Variants in COX10 observed in about 807,000 individuals in gnomAD.
COX10 encodes the protein cytochrome c oxidase assembly factor heme A:farnesyltransferase COX10.
In COX10, 27 loss-of-function variants were observed where a neutral mutation model predicts 37.3. That is an observed-to-expected ratio of 0.72 (90% confidence interval 0.53 to 1.00). COX10 has a LOEUF of 1.00. Ranked by LOEUF, COX10 falls within the 50% of genes least tolerant of loss-of-function variation. The pLI, the probability that COX10 is intolerant of heterozygous loss-of-function variation, is 0.00. For missense variants in COX10, 475 were observed against 563.2 expected, an observed-to-expected ratio of 0.84 and a Z score of 1.59; for synonymous variants, 222 against 229.1, an observed-to-expected ratio of 0.97 and a Z score of 0.28.
intron 4 of COX10, among the ~76,000 whole-genome samples, chr17:14,129,304 A>G (rs1259495053): frequency 6.6e-6 from 1 of 151,908 alleles, no homozygotes; most frequent in Non-Finnish European, 1.5e-5. Flanking sequence ...TTCAAAATAT[A>G]TAAATATGTA....
At chr17:14,127,518 C>A (rs1446494526) in intron 4 of COX10, among the ~76,000 whole-genome samples, 1 of 151,930 alleles carries the variant, frequency 6.6e-6, no homozygotes, top group Non-Finnish European at 1.5e-5. Flanking sequence ...TATTTTGTAC[C>A]TATAGGAATT....
intron 6 of COX10, among the ~76,000 whole-genome samples, chr17:14,200,261 G>T (rs1291051518): frequency 1.3e-5 from 2 of 152,288 alleles, no homozygotes; most frequent in East Asian, 3.9e-4. Context: ...AGTTTTGTCA[G>T]CAAAGTGATG....
intron 4 of COX10, among the ~76,000 whole-genome samples, chr17:14,103,354 G>T (rs1043015008): frequency 2.6e-5 from 4 of 152,018 alleles, no homozygotes; most frequent in African/African-American, 9.7e-5. Context: ...GTCCATTTGG[G>T]TCTATTTTTT....
chr17:14,081,684 A>C (rs759076788), intron 3 of COX10, among the ~76,000 whole-genome samples: 3 of 152,148 alleles, frequency 2.0e-5, no homozygotes, highest in Admixed American at 6.6e-5. Flanking sequence ...TACTTCCTTC[A>C]TAGGGTTGTT....
chr17:14,084,390 A>G (rs878914218), intron 3 of COX10, among the ~76,000 whole-genome samples: 3 of 152,178 alleles, frequency 2.0e-5, no homozygotes, highest in Non-Finnish European at 2.9e-5. Flanking sequence ...CTGTAATTTC[A>G]CCATCTTAAA....
At chr17:14,187,509 AT>A (rs898583663) in intron 5 of COX10, among the ~76,000 whole-genome samples, 43 of 152,174 alleles carry the variant, frequency 2.8e-4, no homozygotes, top group African/African-American at 5.8e-4. Flanking sequence ...CATATTCTCA[AT>A]TTTTTTTAAG....
chr17:14,164,913 C>G (rs1283692384), intron 5 of COX10, among the ~76,000 whole-genome samples: 1 of 151,946 alleles, frequency 6.6e-6, no homozygotes, highest in African/African-American at 2.4e-5. Context: ...TCCCACGTAG[C>G]ATGATTGTAA....
At chr17:14,095,768 G>A (rs898211022) in intron 3 of COX10, among the ~76,000 whole-genome samples, 2 of 152,108 alleles carry the variant, frequency 1.3e-5, no homozygotes, top group Admixed American at 1.3e-4. Flanking sequence ...GCAACTCTAG[G>A]ACTGAAGTCC....
intron 4 of COX10, among the ~76,000 whole-genome samples, chr17:14,106,338 T>C (rs922949595): frequency 6.6e-6 from 1 of 151,996 alleles, no homozygotes; most frequent in Non-Finnish European, 1.5e-5. Context: ...ATTTTAAGAG[T>C]TGTATATGGA....
chr17:14,175,896 G>A (rs1369776974), intron 5 of COX10, among the ~76,000 whole-genome samples: 1 of 151,840 alleles, frequency 6.6e-6, no homozygotes, highest in Non-Finnish European at 1.5e-5. Context: ...AGAAAGGCCA[G>A]TGTGGTGAGA....
At chr17:14,104,996 T>C (rs1915860701) in intron 4 of COX10, among the ~76,000 whole-genome samples, 1 of 152,186 alleles carries the variant, frequency 6.6e-6, no homozygotes, top group African/African-American at 2.4e-5. Flanking sequence ...AGCTGAAAGA[T>C]AAAATATTGT....
At chr17:14,161,301 C>A (rs1009458926) in intron 5 of COX10, among the ~76,000 whole-genome samples, 4 of 152,138 alleles carry the variant, frequency 2.6e-5, no homozygotes, top group Non-Finnish European at 5.9e-5. Flanking sequence ...ATCAAAATTC[C>A]TAAAGTCTAG....
intron 4 of COX10, among the ~76,000 whole-genome samples, chr17:14,126,431 G>C (rs1479018073): frequency 6.6e-6 from 1 of 152,136 alleles, no homozygotes; most frequent in Non-Finnish European, 1.5e-5. Flanking sequence ...AATAAATTCA[G>C]TTTTAATAAA....
chr17:14,157,655 T>G (rs1274311422), intron 4 of COX10, among the ~76,000 whole-genome samples: 1 of 151,982 alleles, frequency 6.6e-6, no homozygotes, highest in Admixed American at 6.6e-5. Flanking sequence ...ACCTGTAGAG[T>G]GAGCACTGCC....
intron 5 of COX10, among the ~76,000 whole-genome samples, chr17:14,174,456 C>CAAAAA (rs61593222): frequency 1.5e-5 from 1 of 66,172 alleles, no homozygotes; most frequent in African/African-American, 5.6e-5. Context: ...AAGACCCTGT[C>CAAAAA]AAAAAAAAAA....
In COX10 at chr17:14,177,356, C is replaced by T. The variant is rs982856370; in HGVS notation, c.696-14633C>T. The T allele has an allele frequency of 7.3e-6, 4 of 546,262 alleles. No individual in the cohort carries two copies. In the African/African-American group the frequency reaches 7.8e-5, roughly 11 times the overall value. The allele number at this position is 546,262 out of a possible 1,614,324, so 33.8% of individuals were successfully genotyped here. On this transcript the variant is annotated intron_variant, in intron 5 of 6. Transcript: ENST00000261643. ...CCAACTCCATGTGTCTGAGGTATCA[C>T]TTATAGTTTAAAAAAAATGATTGTC...
At chr17:14,087,999 T>A (rs1265199036) in intron 3 of COX10, among the ~76,000 whole-genome samples, 1 of 152,132 alleles carries the variant, frequency 6.6e-6, no homozygotes, top group Non-Finnish European at 1.5e-5. Flanking sequence ...TCCCTCTAGC[T>A]GTGATATAGC....
At chr17:14,126,591 G>GT (rs1312026469) in intron 4 of COX10, among the ~76,000 whole-genome samples, 4 of 152,090 alleles carry the variant, frequency 2.6e-5, no homozygotes, top group Admixed American at 1.3e-4. Flanking sequence ...TAATTGAACT[G>GT]TGTGTGTTTT....
At chr17:14,188,177 T>C (rs1597543308) in intron 5 of COX10, among the ~76,000 whole-genome samples, 1 of 127,678 alleles carries the variant, frequency 7.8e-6, no homozygotes, top group Non-Finnish European at 1.6e-5. Context: ...TTTTTCTCCC[T>C]CCCAAAATAA....
Sources: gnomAD v4.1 joint callset for allele counts (sites outside exome capture counted in the v4.1 genomes callset) on GRCh38, gnomAD v4.1.1 for gene constraint, MANE v1.5 for transcripts, NCBI Gene and HGNC (gene_info 2026-07-23, HGNC 2026-07-21) for gene names.